NFIA: variants seen among roughly 807,000 people sequenced by gnomAD.
The protein encoded by NFIA is nuclear factor I A, also known as nuclear factor 1 A-type.
In NFIA, 8 loss-of-function variants were observed where a neutral mutation model predicts 62.8. The ratio of observed to expected loss-of-function variants is 0.13; its 90% confidence interval spans 0.07 to 0.23. The LOEUF is 0.23. NFIA is among the 10% of genes least tolerant of loss of function. NFIA has a pLI of 1.00. For synonymous variants in NFIA, 235 were observed against 238.1 expected (o/e 0.99, Z 0.12); for missense variants, 410 against 642.1 (o/e 0.64, Z 3.91).
At chr1:61,082,121 T>A, upstream of NFIA, 1 of 1,187,244 alleles carries the variant, frequency 8.4e-7, no homozygotes, top group Admixed American at 2.4e-5. Flanking sequence ...AAGCACATCC[T>A]GTGGCAGCCT....
chr1:61,156,964 G>A (rs1213717221), intron 2 of NFIA, among the ~76,000 whole-genome samples: 2 of 152,170 alleles, frequency 1.3e-5, no homozygotes, highest in African/African-American at 2.4e-5. Context: ...AAAAATTAAA[G>A]CTCTCCAACT....
At chr1:61,257,861 G>GTTTTTTTTTTTTTTTTTTT (rs58077067) in intron 2 of NFIA, among the ~76,000 whole-genome samples, 1 of 126,468 alleles carries the variant, frequency 7.9e-6, no homozygotes. Context: ...ATGCTTAGCT[G>GTTTTTTTTTTTTTTTTTTT]TTTTTTTTTT....
intron 10 of NFIA, among the ~76,000 whole-genome samples, chr1:61,447,534 C>T (rs1302960359): frequency 2.0e-5 from 3 of 152,128 alleles, no homozygotes; most frequent in Non-Finnish European, 4.4e-5. Flanking sequence ...GCAGAGCCAT[C>T]CACTGCACTG....
intron 3 of NFIA, among the ~76,000 whole-genome samples, chr1:61,281,243 A>G (rs571635817): frequency 2.9e-4 from 44 of 152,170 alleles, no homozygotes; most frequent in Middle Eastern, 3.4e-3. Context: ...ATCTCAAAAA[A>G]AAAAAAGAAA....
chr1:61,228,132 A>G (rs978055716), intron 2 of NFIA, among the ~76,000 whole-genome samples: 1 of 152,096 alleles, frequency 6.6e-6, no homozygotes, highest in Non-Finnish European at 1.5e-5. Flanking sequence ...TGAATACACT[A>G]TTTCTGAAGG....
At chr1:61,326,358 G>T (rs1228011272) in intron 3 of NFIA, among the ~76,000 whole-genome samples, 1 of 152,140 alleles carries the variant, frequency 6.6e-6, no homozygotes, top group Admixed American at 6.5e-5. Context: ...GGGAATATGT[G>T]GATGGTTCAT....
At chr1:61,435,534 C>G (rs1209493509) in intron 10 of NFIA, among the ~76,000 whole-genome samples, 1 of 152,146 alleles carries the variant, frequency 6.6e-6, no homozygotes, top group African/African-American at 2.4e-5. Context: ...TGCTGCAGCT[C>G]CAAATAGCAT....
chr1:61,155,679 C>CAAAAAAAAA (rs35851988), intron 2 of NFIA, among the ~76,000 whole-genome samples: 13 of 108,630 alleles, frequency 1.2e-4, no homozygotes, highest in African/African-American at 4.1e-4. Context: ...GACTCCATCT[C>CAAAAAAAAA]AAAAAAAAAA....
chr1:61,077,882 T>C (rs1646051141), upstream of NFIA, among the ~76,000 whole-genome samples: 1 of 150,502 alleles, frequency 6.6e-6, no homozygotes, highest in Non-Finnish European at 1.5e-5. Context: ...TTTGAAAAAA[T>C]TGCTGAGCTT....
At chr1:61,212,306 A>G (rs1179722781) in intron 2 of NFIA, among the ~76,000 whole-genome samples, 2 of 152,172 alleles carry the variant, frequency 1.3e-5, no homozygotes, top group African/African-American at 4.8e-5. Flanking sequence ...TTTCTAGACA[A>G]TTAACAAATA....
chr1:61,224,492 A>G (rs1181811682), intron 2 of NFIA, among the ~76,000 whole-genome samples: 2 of 152,154 alleles, frequency 1.3e-5, no homozygotes, highest in Non-Finnish European at 2.9e-5. Flanking sequence ...TAACCTCCCA[A>G]AACACACTTT....
In NFIA at chr1:61,425,995, G is replaced by A. The variant is rs116486770; in HGVS notation, c.1421-470G>A. ...GTTCCTTCTATAAAGATTCCTCTTC[G>A]ATCTCTAGCTGTAGAGGCACAGGAC... On this transcript the variant is annotated intron_variant, in intron 9 of 10. Transcript: ENST00000403491. Among the ~76,000 whole-genome samples the A allele has an allele frequency of 8.5e-3, 1,291 of 152,212 alleles. 12 individuals are homozygous for A. Among genetic ancestry groups the A allele is most frequent in the African/African-American group, 0.029 (1,207 of 41,528 alleles).
rs566904642 is a variant in NFIA at position 61,203,189 on chromosome 1, T to C, written c.560-74331T>C. 2.6e-5 allele frequency among the ~76,000 whole-genome samples: 4 copies of C among 152,302 alleles called. No individual in the cohort carries two copies. The East Asian group carries it at 7.7e-4, about 29-fold the overall frequency. ...GTTGGTGTCTATGGTTTCACTTTTC[T>C]CCATGAGCCACATGTTAAAGCCTGC... On this transcript the variant is annotated intron_variant, in intron 2 of 10. Coordinates refer to ENST00000403491, the MANE Select transcript of NFIA (RefSeq NM_001134673.4).
At chr1:61,436,258 A>C (rs1345004864) in intron 10 of NFIA, among the ~76,000 whole-genome samples, 1 of 152,106 alleles carries the variant, frequency 6.6e-6, no homozygotes, top group Non-Finnish European at 1.5e-5. Flanking sequence ...TTCCTTTGCA[A>C]AGGAAAAGAG....
intron 2 of NFIA, among the ~76,000 whole-genome samples, chr1:61,118,378 C>T (rs1646828538): frequency 6.6e-6 from 1 of 152,054 alleles, no homozygotes. Context: ...TTGTTGGCTG[C>T]CCACTGTATA....
chr1:61,181,781 T>C (rs573890407), intron 2 of NFIA, among the ~76,000 whole-genome samples: 1 of 152,294 alleles, frequency 6.6e-6, no homozygotes, highest in East Asian at 1.9e-4. Context: ...TGATAGTAAA[T>C]AGTATTTTTA....
chr1:61,324,997 G>T (rs1350173780), intron 3 of NFIA, among the ~76,000 whole-genome samples: 1 of 152,164 alleles, frequency 6.6e-6, no homozygotes, highest in Non-Finnish European at 1.5e-5. Flanking sequence ...AATGAAAAAG[G>T]ATCTGCTCCT....
chr1:61,448,285 A>G (rs908507662), intron 10 of NFIA, among the ~76,000 whole-genome samples: 3 of 152,208 alleles, frequency 2.0e-5, no homozygotes, highest in African/African-American at 7.2e-5. Flanking sequence ...CTCTGATTTT[A>G]ATATCGCAAT....
At chr1:61,373,497 C>T (rs896737590) in intron 6 of NFIA, among the ~76,000 whole-genome samples, 5 of 152,068 alleles carry the variant, frequency 3.3e-5, no homozygotes, top group African/African-American at 9.7e-5. Flanking sequence ...CCAGCACAGG[C>T]GTATCCCAAA....
Sources: allele counts gnomAD v4.1 joint callset (sites outside exome capture counted in the v4.1 genomes callset), GRCh38; gene constraint gnomAD v4.1.1; transcripts MANE v1.5; gene names NCBI Gene and HGNC (gene_info 2026-07-23, HGNC 2026-07-21).